The following RBP7 variants were observed in gnomAD, a reference collection of about 807,000 sequenced individuals.
RBP7 encodes the protein retinol binding protein 7.
RBP7 carries 13 observed loss-of-function variants against 16.7 expected under a neutral mutation model. The ratio of observed to expected loss-of-function variants is 0.78; its 90% CI spans 0.51 to 1.24. The LOEUF is 1.24. RBP7 is among the 50% of genes most tolerant of loss of function. RBP7 has a pLI of 0.00. For synonymous variants in RBP7, 54 were observed against 56.2 expected (o/e 0.96, Z 0.17); for missense variants, 145 against 159.5 (o/e 0.91, Z 0.49).
At chr1:10,014,107 T>C (rs1570736500) in intron 3 of RBP7, among the ~76,000 whole-genome samples, 1 of 152,148 alleles carries the variant, frequency 6.6e-6, no homozygotes, top group East Asian at 1.9e-4. Context: ...ATCGAAGGCA[T>C]GATTAGAGGG....
At chr1:10,013,457 G>C (rs1377060252) in intron 3 of RBP7, among the ~76,000 whole-genome samples, 2 of 152,054 alleles carry the variant, frequency 1.3e-5, no homozygotes, top group African/African-American at 4.8e-5. Context: ...CACGGCAAGA[G>C]GATCACTGGA....
intron 3 of RBP7, among the ~76,000 whole-genome samples, chr1:10,014,472 G>A (rs548857413): frequency 2.4e-4 from 36 of 150,438 alleles, no homozygotes; most frequent in South Asian, 2.3e-3. Context: ...TGCAACCTCC[G>A]CCTCTTGGGT....
intron 1 of RBP7, among the ~76,000 whole-genome samples, chr1:10,001,518 G>A (rs2101732472): frequency 6.6e-6 from 1 of 152,110 alleles, no homozygotes; most frequent in Non-Finnish European, 1.5e-5. Flanking sequence ...TGTTGTCCAG[G>A]CTGGTCTCAA....
rs752533682 is a variant in RBP7 at position 10,007,030 on chromosome 1, T to A, written c.74-540T>A. 24 of 386,478 alleles carry A rather than the reference T, an allele frequency of 6.2e-5. 1 individual carries two copies. Among genetic ancestry groups the A allele is most frequent in the South Asian group, 4.4e-4 (24 of 54,352 alleles). 23.9% of individuals were successfully genotyped at this position (386,478 alleles called of 1,614,324 possible). Reference sequence around the variant, plus strand: ...GGTGTGATCTTGGCTCACTGCAACCTCCGCCTCCTGGGTTCAAGCAATTCT... The same window carrying A: ...GGTGTGATCTTGGCTCACTGCAACCACCGCCTCCTGGGTTCAAGCAATTCT... On this transcript the variant is annotated intron_variant, in intron 1 of 3. Transcript: ENST00000294435.
Position 10,007,620 on chromosome 1 carries a change from G to C in RBP7, c.124G>C (p.Val42Leu). 6.2e-7 allele frequency: 1 copy of C among 1,613,960 alleles called. No individual in the cohort carries two copies. Among genetic ancestry groups the C allele is most frequent in the Non-Finnish European group, 8.5e-7 (1 of 1,179,942 alleles). ...AGCCAAGTTGCTGAAGCCACAGAAA[G>C]TGATTGAGCAGAATGGGGATTCTTT... ...KIAKLLKPQKVIEQNGDSFTI... is the reference protein window; with the variant it reads ...KIAKLLKPQKLIEQNGDSFTI... Residue 42 changes from valine to leucine, a missense_variant, in exon 2 of 4, where the codon GTG (valine) becomes CTG (leucine). Physicochemically the swap from Val to Leu is conservative, Grantham distance 32 (BLOSUM62 1). Transcript: ENST00000294435.
intron 3 of RBP7, among the ~76,000 whole-genome samples, chr1:10,012,911 AG>A (rs1422495463): frequency 7.3e-6 from 1 of 137,468 alleles, no homozygotes; most frequent in East Asian, 2.2e-4. Context: ...ACGGCACTCC[AG>A]CCTGGATGAC....
In RBP7 at chr1:10,008,091, G is replaced by A. The variant is rs1642500210; in HGVS notation, c.253-82G>A. 2 of 864,930 alleles carry A rather than the reference G, an allele frequency of 2.3e-6. 1 individual carries two copies. Among genetic ancestry groups the A allele is most frequent in the African/African-American group, 3.4e-5 (2 of 58,184 alleles). 53.6% of individuals were successfully genotyped at this position (864,930 alleles called of 1,614,324 possible). ...AAGCAGTAAGTAGGCTGTTGATTTT[G>A]CAAGGGTAACTTGGCATTCTACTTC... On this transcript the variant is annotated intron_variant, in intron 2 of 3. Transcript: ENST00000294435.
chr1:10,013,111 C>G (rs546366789), intron 3 of RBP7, among the ~76,000 whole-genome samples: 2 of 144,944 alleles, frequency 1.4e-5, no homozygotes, highest in African/African-American at 5.3e-5. Flanking sequence ...CTCACTCTGT[C>G]GCCCATCCTG....
chr1:9,997,764 G>A lies in RBP7; in HGVS notation c.73+433G>A, dbSNP rs112244233. 3.3e-5 allele frequency among the ~76,000 whole-genome samples: 5 copies of A among 151,966 alleles called. No individual in the cohort carries two copies. In the East Asian group the frequency reaches 5.9e-4, roughly 18 times the overall value. On this transcript the variant is annotated intron_variant, in intron 1 of 3. Transcript: ENST00000294435. The surrounding 1 kb of genome is among the most constrained non-coding windows in gnomAD (Gnocchi z 5.9). ...GCGCCCGGGACCGAAGCCTCTGCCC[G>A]GCCACCCTCCCCGCAGCCGCCTTCC... is the stretch of plus-strand genomic sequence containing the variant.
chr1:9,997,700 C>CGGGGTCCGGCCGGGGAGG lies in RBP7; in HGVS notation c.73+391_73+408dup, dbSNP rs992423651. Among the ~76,000 whole-genome samples, 2 of 151,828 alleles carry CGGGGTCCGGCCGGGGAGG rather than the reference C, an allele frequency of 1.3e-5. No individual in the cohort carries two copies. Among genetic ancestry groups the CGGGGTCCGGCCGGGGAGG allele is most frequent in the Non-Finnish European group, 2.9e-5 (2 of 67,904 alleles). ...GGCACACCTGCGGAGACTGCAGACT[C>CGGGGTCCGGCCGGGGAGG]GGGGTCCGGCCGGGGAGGGGGGTCC... On this transcript the variant is annotated intron_variant, in intron 1 of 3. Coordinates refer to ENST00000294435, the MANE Select transcript of RBP7 (RefSeq NM_052960.3). This position sits in a 1 kb window ranked among gnomAD's most constrained non-coding sequence, Gnocchi z 5.9.
chr1:10,006,708 G>GA (rs546698534), intron 1 of RBP7, among the ~76,000 whole-genome samples: 12 of 118,946 alleles, frequency 1.0e-4, no homozygotes, highest in African/African-American at 3.2e-4. Context: ...AAAAAAAAAA[G>GA]AAAAAAAAAA....
At chr1:10,002,198 A>C (rs1642297219) in intron 1 of RBP7, among the ~76,000 whole-genome samples, 1 of 152,106 alleles carries the variant, frequency 6.6e-6, no homozygotes, top group Non-Finnish European at 1.5e-5. Context: ...AGTGGCTTTG[A>C]GATTGAAGGT....
intron 3 of RBP7, among the ~76,000 whole-genome samples, chr1:10,011,283 G>GA (rs558643923): frequency 4.7e-5 from 7 of 150,386 alleles, no homozygotes; most frequent in South Asian, 2.1e-4. Context: ...CCTGCTTTGG[G>GA]AAAAAAAAAG....
chr1:10,009,692 C>T (rs1642563070), intron 3 of RBP7, among the ~76,000 whole-genome samples: 1 of 151,468 alleles, frequency 6.6e-6, no homozygotes, highest in South Asian at 2.1e-4. Flanking sequence ...CCACCACACC[C>T]AGCTAGTTTT....
chr1:10,015,867 A>C lies in RBP7; in HGVS notation c.*35A>C, dbSNP rs199955568. 1 of 1,597,446 alleles carries C rather than the reference A, an allele frequency of 6.3e-7. No homozygotes were observed. Among genetic ancestry groups the C allele is most frequent in the African/African-American group, 1.3e-5 (1 of 74,688 alleles). On this transcript the variant is annotated 3_prime_UTR_variant, in exon 4 of 4. Coordinates refer to ENST00000294435, the MANE Select transcript of RBP7 (RefSeq NM_052960.3). Reference sequence around the variant, plus strand: ...AGCAGCAGAGCCCACTTGTGGCTGCAGCTTTATGCCAAATTATATTGCAGA... The same window carrying C: ...AGCAGCAGAGCCCACTTGTGGCTGCCGCTTTATGCCAAATTATATTGCAGA...
chr1:10,000,869 G>A (rs1642260430), intron 1 of RBP7, among the ~76,000 whole-genome samples: 1 of 151,830 alleles, frequency 6.6e-6, no homozygotes, highest in Admixed American at 6.6e-5. Flanking sequence ...CTGAGTAGCT[G>A]GTATTACAGG....
intron 1 of RBP7, among the ~76,000 whole-genome samples, chr1:9,998,727 T>G (rs1439711834): frequency 6.6e-6 from 1 of 152,088 alleles, no homozygotes; most frequent in African/African-American, 2.4e-5. Flanking sequence ...TTCTTAACCT[T>G]AGGGCCCATC....
At chr1:10,004,351 T>G (rs1642365402) in intron 1 of RBP7, 1 of 150,764 alleles carries the variant, frequency 6.6e-6, no homozygotes, top group South Asian at 2.1e-4. Context: ...GATTAAGGCA[T>G]GAGCCACTGC....
At chr1:10,013,121 G>A (rs1642673484) in intron 3 of RBP7, among the ~76,000 whole-genome samples, 1 of 144,762 alleles carries the variant, frequency 6.9e-6, no homozygotes, top group Non-Finnish European at 1.5e-5. Context: ...CGCCCATCCT[G>A]GAGTGCAGTA....
Sources: gnomAD v4.1 joint callset for allele counts (sites outside exome capture counted in the v4.1 genomes callset) on GRCh38, gnomAD v4.1.1 for gene constraint, Gnocchi (gnomAD v3.1) non-coding constraint, MANE v1.5 for transcripts, NCBI Gene and HGNC (gene_info 2026-07-23, HGNC 2026-07-21) for gene names.